The following GNAO1 variants were observed in gnomAD, a reference collection of about 807,000 sequenced individuals.
The protein encoded by GNAO1 is guanine nucleotide-binding protein G(o) subunit alpha.
For synonymous variants in GNAO1, 164 were observed against 180.7 expected (o/e 0.91, Z 0.74); for missense variants, 166 against 478.7 (o/e 0.35, Z 6.10).
intron 2 of GNAO1, among the ~76,000 whole-genome samples, chr16:56,218,805 C>A (rs1408563389): frequency 6.6e-6 from 1 of 152,132 alleles, no homozygotes; most frequent in East Asian, 1.9e-4. Flanking sequence ...TTTTGCTTGG[C>A]CAAAGGCTAC....
intron 3 of GNAO1, among the ~76,000 whole-genome samples, chr16:56,287,129 C>G (rs1158526010): frequency 3.9e-5 from 6 of 152,236 alleles, no homozygotes; most frequent in Non-Finnish European, 8.8e-5. Flanking sequence ...CCCCAGCCCA[C>G]CACTGACCAA....
chr16:56,273,319 T>C (rs1344129393), intron 2 of GNAO1, among the ~76,000 whole-genome samples: 1 of 152,218 alleles, frequency 6.6e-6, no homozygotes, highest in Non-Finnish European at 1.5e-5. Flanking sequence ...GTTAATCCCA[T>C]CCAGTGAAAT....
At chr16:56,284,796 A>G (rs1281358713) in intron 3 of GNAO1, among the ~76,000 whole-genome samples, 2 of 152,210 alleles carry the variant, frequency 1.3e-5, no homozygotes, top group Non-Finnish European at 2.9e-5. Flanking sequence ...TTCTGGGTCA[A>G]GTGCTGGCTT....
At chr16:56,217,706 C>T (rs988696052) in intron 2 of GNAO1, among the ~76,000 whole-genome samples, 1 of 152,188 alleles carries the variant, frequency 6.6e-6, no homozygotes, top group Admixed American at 6.5e-5. Flanking sequence ...GACTCCCTGT[C>T]TACAGATGGG....
At position 56,267,711 on chromosome 16, in the gene GNAO1, A is replaced by G. The variant is rs118030967; in HGVS notation, c.162-8220A>G. ...TATGATTTATAGAACCATTTGTGAC[A>G]TTACTTCTTTCATATTGTTCTTCCC... On this transcript the variant is annotated intron_variant, in intron 2 of 8. Coordinates refer to ENST00000262493, the MANE Select transcript of GNAO1 (RefSeq NM_020988.3). Among the ~76,000 whole-genome samples the G allele has an allele frequency of 5.2e-3, 791 of 152,190 alleles. 5 individuals are homozygous for G. The highest frequency in any genetic ancestry group is 7.2e-3 in the Non-Finnish European group (491 of 68,008).
chr16:56,199,726 A>G (rs1371757661), intron 2 of GNAO1, among the ~76,000 whole-genome samples: 1 of 152,188 alleles, frequency 6.6e-6, no homozygotes. Context: ...GATGCAGTAA[A>G]TGCAAAGAGA....
At chr16:56,201,410 A>G (rs1394889772) in intron 2 of GNAO1, among the ~76,000 whole-genome samples, 1 of 152,226 alleles carries the variant, frequency 6.6e-6, no homozygotes, top group East Asian at 1.9e-4. Context: ...AGTGTTAAGA[A>G]ATGAGGAATG....
chr16:56,191,914 A>C lies in GNAO1; in HGVS notation c.-322A>C. The C allele has an allele frequency of 2.7e-6, 1 of 371,700 alleles. No homozygotes were observed. Among genetic ancestry groups the C allele is most frequent in the Non-Finnish European group, 4.9e-6 (1 of 205,264 alleles). 23.0% of individuals were successfully genotyped at this position (371,700 alleles called of 1,614,324 possible). On this transcript the variant is annotated 5_prime_UTR_variant, in exon 1 of 9. Coordinates refer to ENST00000262493, the MANE Select transcript of GNAO1 (RefSeq NM_020988.3). This position sits in a 1 kb window ranked among gnomAD's most constrained non-coding sequence, Gnocchi z 4.7. Reference sequence around the variant, plus strand: ...ATTTTATTTATTTTGGGTCGTGCACAAGCCTCAGTGCCTGCAGTCCGCGCC... The same window carrying C: ...ATTTTATTTATTTTGGGTCGTGCACCAGCCTCAGTGCCTGCAGTCCGCGCC...
intron 2 of GNAO1, among the ~76,000 whole-genome samples, chr16:56,269,568 T>A (rs1477927589): frequency 6.6e-6 from 1 of 152,150 alleles, no homozygotes; most frequent in Non-Finnish European, 1.5e-5. Flanking sequence ...CAGGAACAGA[T>A]GCGGAAACAA....
chr16:56,279,490 T>A (rs1200956036), intron 3 of GNAO1, among the ~76,000 whole-genome samples: 1 of 152,182 alleles, frequency 6.6e-6, no homozygotes, highest in Non-Finnish European at 1.5e-5. Context: ...CCTCTGGGCC[T>A]TCGCTGGGGT....
At chr16:56,205,404 G>A (rs1179611517) in intron 2 of GNAO1, among the ~76,000 whole-genome samples, 1 of 152,226 alleles carries the variant, frequency 6.6e-6, no homozygotes, top group Admixed American at 6.5e-5. Context: ...AGATGGACAA[G>A]CCTGAGGGCA....
intron 2 of GNAO1, among the ~76,000 whole-genome samples, chr16:56,235,799 A>T (rs1359599747): frequency 7.9e-5 from 12 of 152,194 alleles, no homozygotes; most frequent in Admixed American, 6.5e-4. Context: ...TAAGATGAAT[A>T]TGCATGATTC....
chr16:56,347,707 C>T (rs1368699830), intron 6 of GNAO1: 1 of 985,822 alleles, frequency 1.0e-6, no homozygotes, highest in African/African-American at 1.7e-5. Context: ...CCTGGCAGAG[C>T]ACCACTTCCT....
At chr16:56,298,163 C>T (rs1350321925) in intron 3 of GNAO1, among the ~76,000 whole-genome samples, 2 of 152,136 alleles carry the variant, frequency 1.3e-5, no homozygotes, top group Non-Finnish European at 2.9e-5. Context: ...CAGGGCGAGA[C>T]CCTGTCTCAA....
chr16:56,339,094 A>G (rs1813967807), intron 6 of GNAO1, among the ~76,000 whole-genome samples: 1 of 152,238 alleles, frequency 6.6e-6, no homozygotes, highest in African/African-American at 2.4e-5. Flanking sequence ...TTGCAACCTG[A>G]CAGCAGCCAC....
chr16:56,344,842 C>T, intron 6 of GNAO1: 2 of 985,444 alleles, frequency 2.0e-6, no homozygotes, highest in Non-Finnish European at 1.2e-6. Context: ...CAACTCAAAC[C>T]AGCAAAGGCC....
At chr16:56,243,684 A>AT (rs74832023) in intron 2 of GNAO1, among the ~76,000 whole-genome samples, 177 of 150,018 alleles carry the variant, frequency 1.2e-3, no homozygotes, top group African/African-American at 3.8e-3. Context: ...CTACAGGGTT[A>AT]TTTTTTTTTT....
chr16:56,293,410 A>G (rs925601693), intron 3 of GNAO1, among the ~76,000 whole-genome samples: 2 of 152,088 alleles, frequency 1.3e-5, no homozygotes, highest in Admixed American at 6.5e-5. Flanking sequence ...CTTGGTGGCT[A>G]TGGTGGTGGC....
intron 3 of GNAO1, among the ~76,000 whole-genome samples, chr16:56,310,264 G>A (rs566515412): frequency 6.6e-6 from 1 of 152,292 alleles, no homozygotes; most frequent in African/African-American, 2.4e-5. Flanking sequence ...TGGGGGGTTC[G>A]AGGTTGCAGT....
Sources: gnomAD v4.1 joint callset for allele counts (sites outside exome capture counted in the v4.1 genomes callset) on GRCh38, gnomAD v4.1.1 for gene constraint, Gnocchi (gnomAD v3.1) non-coding constraint, MANE v1.5 for transcripts, NCBI Gene and HGNC (gene_info 2026-07-23, HGNC 2026-07-21) for gene names.